KIAA1210: variants seen among roughly 807,000 people sequenced by gnomAD.
KIAA1210 encodes the protein KIAA1210, also known as acrosomal protein KIAA1210.
Under a neutral mutation model 78.9 loss-of-function variants are expected in KIAA1210, and 48 were observed. That is an observed-to-expected ratio of 0.61 (90% confidence interval 0.48 to 0.77). The LOEUF is 0.77. Ranked by LOEUF, KIAA1210 falls within the 30% of genes least tolerant of loss-of-function variation. KIAA1210 has a pLI of 0.00. For missense variants in KIAA1210, 1,108 were observed against 1,100.0 expected, an observed-to-expected ratio of 1.01 and a Z score of -0.10; for synonymous variants, 406 against 404.5, an observed-to-expected ratio of 1.00 and a Z score of -0.04.
chrX:119,087,495 A>G lies in KIAA1210; in HGVS notation c.3207T>C (p.Ala1069=). 2 of 1,210,843 alleles carry G rather than the reference A, an allele frequency of 1.7e-6. No individual in the cohort carries two copies. Among genetic ancestry groups the G allele is most frequent in the Non-Finnish European group, 2.2e-6 (2 of 895,112 alleles). The change falls in exon 9 of 12, where the codon GCT becomes GCC. Residue 1069 remains alanine (A), a synonymous_variant. Coordinates refer to ENST00000691062, the MANE Select transcript of KIAA1210 (RefSeq NM_001394962.1). The stretch of plus-strand genomic sequence containing the variant: ...TTGAAGAAATGCCTCCCTTAGGATT[A>G]GCACTCCCTGAATCTGAGAAAACTT... ...KHQVFSDSGS[A]NPKGGISSKM... is the part of the protein sequence containing the mutation.
At chrX:119,108,855 A>G (rs931417932) in intron 4 of KIAA1210, among the ~76,000 whole-genome samples, 4 of 110,691 alleles carry the variant, frequency 3.6e-5, no homozygotes, top group African/African-American at 9.9e-5. Flanking sequence ...AAAAAAAAAA[A>G]AAGAAGTGAA....
chrX:119,088,956 A>G lies in KIAA1210; in HGVS notation c.1746T>C (p.Tyr582=), dbSNP rs1486107632. 7.4e-6 allele frequency: 9 copies of G among 1,211,817 alleles called. No individual in the cohort carries two copies. Among genetic ancestry groups the G allele is most frequent in the Non-Finnish European group, 1.0e-5 (9 of 895,341 alleles). The part of the protein sequence containing the change: ...MTSTTAKGDV[Y]AKTLPPRSLF... ...GGCTTCTGGGAGGCAGAGTCTTGGC[A>G]TAAACATCTCCTTTGGCTGTAGTAC... The change falls in exon 9 of 12, where the codon TAT becomes TAC. Residue 582 remains tyrosine (Y), a synonymous_variant. Coordinates refer to ENST00000691062, the MANE Select transcript of KIAA1210 (RefSeq NM_001394962.1).
At chrX:119,138,250 G>A (rs754242057) in intron 2 of KIAA1210, among the ~76,000 whole-genome samples, 5 of 77,613 alleles carry the variant, frequency 6.4e-5, no homozygotes, top group Middle Eastern at 0.012. Flanking sequence ...ATGGTGTCTC[G>A]CTCTGTCACC....
chrX:119,118,435 C>T (rs1043265083), intron 2 of KIAA1210, among the ~76,000 whole-genome samples: 1 of 112,283 alleles, frequency 8.9e-6, no homozygotes, highest in South Asian at 3.7e-4. Flanking sequence ...GTTCAGTAGC[C>T]TGCTTTTCAA....
intron 1 of KIAA1210, among the ~76,000 whole-genome samples, chrX:119,124,371 T>C (rs374726932): frequency 8.9e-6 from 1 of 112,361 alleles, no homozygotes; most frequent in East Asian, 2.8e-4. Flanking sequence ...TTTAAAACCA[T>C]TGAATTGTAT....
chrX:119,116,617 T>C lies in KIAA1210; in HGVS notation c.109A>G (p.Lys37Glu). The C allele has an allele frequency of 8.3e-7, 1 of 1,207,475 alleles. No individual in the cohort carries two copies. The highest frequency in any genetic ancestry group is 1.1e-6 in the Non-Finnish European group (1 of 892,740). The change falls in exon 3 of 12, where the codon AAG (lysine) becomes GAG (glutamate). Residue 37 changes from lysine (K) to glutamate (E), a missense_variant. Around this residue, in one of 5 missense-constraint regions of KIAA1210, gnomAD observed 672 missense variants for 607.1 expected, o/e 1.11. Transcript: ENST00000691062. Reference sequence around the variant, plus strand: ...GTATCTTCGGCTTCTTTTTCCTTCTTCTTAACAAAAAAGCTCTTAAGGGCT... The same window carrying C: ...GTATCTTCGGCTTCTTTTTCCTTCTCCTTAACAAAAAAGCTCTTAAGGGCT... ...FKALKSFFVK[K>E]KEKEAEDTQE... is the part of the protein sequence containing the mutation.
chrX:119,150,779 G>A (rs980728712), upstream of KIAA1210, among the ~76,000 whole-genome samples: 2 of 112,500 alleles, frequency 1.8e-5, no homozygotes, highest in African/African-American at 3.2e-5. Context: ...GAGGTGTCTC[G>A]CTGTCCCCCG....
Position 119,081,127 on chromosome X carries a change from C to T in KIAA1210, c.*202G>A. 3.4e-6 allele frequency: 1 copy of T among 289,987 alleles called. No individual in the cohort carries two copies. Among genetic ancestry groups the T allele is most frequent in the East Asian group, 5.3e-5 (1 of 18,925 alleles). 23.9% of individuals were successfully genotyped at this position (289,987 alleles called of 1,213,427 possible). ...AAATACGAAAACAAAATTAGCCGGG[C>T]GTGATGGCGGGCGCCTGTAGTCCCA... On this transcript the variant is annotated 3_prime_UTR_variant, in exon 12 of 12. Coordinates refer to ENST00000691062, the MANE Select transcript of KIAA1210 (RefSeq NM_001394962.1).
chrX:119,137,822 T>A (rs1023989342), intron 2 of KIAA1210, among the ~76,000 whole-genome samples: 2 of 110,805 alleles, frequency 1.8e-5, no homozygotes, highest in Non-Finnish European at 3.8e-5. Context: ...GTGGAAGGAG[T>A]CTGCAGGCCC....
At chrX:119,095,763 A>G (rs1200613347) in intron 7 of KIAA1210, among the ~76,000 whole-genome samples, 1 of 112,575 alleles carries the variant, frequency 8.9e-6, no homozygotes, top group African/African-American at 3.2e-5. Flanking sequence ...ATCACGGAAA[A>G]TAATCTACTT....
chrX:119,113,309 A>G lies in KIAA1210; in HGVS notation c.230+3187T>C, dbSNP rs941925146. 4.3e-4 allele frequency among the ~76,000 whole-genome samples: 48 copies of G among 112,102 alleles called. 1 individual carries two copies. The highest frequency in any genetic ancestry group is 5.6e-5 in the Non-Finnish European group (3 of 53,279). On this transcript the variant is annotated intron_variant, in intron 3 of 11. Coordinates refer to ENST00000691062, the MANE Select transcript of KIAA1210 (RefSeq NM_001394962.1). ...GGATTTACAAAAAACGTTGAATTTT[A>G]CCGTTTAAGTGGTTTAATTGTATAA...
At position 119,089,729 on chromosome X, in the gene KIAA1210, G is replaced by C; in HGVS notation, c.973C>G (p.Gln325Glu). 1.7e-6 allele frequency: 2 copies of C among 1,201,870 alleles called. No homozygotes were observed. Among genetic ancestry groups the C allele is most frequent in the African/African-American group, 3.5e-5 (2 of 57,243 alleles). Residue 325 changes from glutamine (Q) to glutamate (E), a missense_variant, in exon 9 of 12, where the codon CAG (glutamine) becomes GAG (glutamate). Gln to Glu is a conservative substitution (Grantham distance 29). Around this residue, in one of 5 missense-constraint regions of KIAA1210, gnomAD observed 672 missense variants for 607.1 expected, o/e 1.11. Coordinates refer to ENST00000691062, the MANE Select transcript of KIAA1210 (RefSeq NM_001394962.1). ...TCATACATCTCAGTTTTGTTGTTCT[G>C]TTTCTGGCTTGAGGAATCTGCACCA... ...MDSADSSSQK[Q>E]NNKTEMYDKK...
intron 5 of KIAA1210, among the ~76,000 whole-genome samples, chrX:119,107,860 C>A (rs1036920198): frequency 8.9e-6 from 1 of 111,961 alleles, no homozygotes; most frequent in Non-Finnish European, 1.9e-5. Flanking sequence ...ATATCTTCAG[C>A]TCCCCCTGAA....
At chrX:119,086,458 G>A in intron 9 of KIAA1210, 88 bp downstream of exon 9, 7 of 899,258 alleles carry the variant, frequency 7.8e-6, no homozygotes, top group Middle Eastern at 4.3e-4. Context: ...TAAAAGACTA[G>A]AATAGACTTT....
Position 119,081,411 on chromosome X carries a change from A to T in KIAA1210, c.4520T>A (p.Val1507Asp). The T allele has an allele frequency of 8.3e-7, 1 of 1,210,885 alleles. No individual in the cohort carries two copies. Among genetic ancestry groups the T allele is most frequent in the Non-Finnish European group, 1.1e-6 (1 of 894,894 alleles). Residue 1507 changes from valine (V) to aspartate (D), a missense_variant, in exon 12 of 12, where the codon GTT becomes GAT. Physicochemically the swap from Val to Asp is radical, Grantham distance 152. Transcript: ENST00000691062. ...GAACCAGACAGGCTCAATTGGCTCA[A>T]CTGGGTTCTGGAACTTGGCTGGGAG... is the stretch of plus-strand genomic sequence containing the variant. ...STLPAKFQNP[V>D]EPIEPVWFSL... is the part of the protein sequence containing the mutation.
At chrX:119,149,711 A>G (rs1929248066) in intron 1 of KIAA1210, among the ~76,000 whole-genome samples, 1 of 112,455 alleles carries the variant, frequency 8.9e-6, no homozygotes, top group Admixed American at 9.4e-5. Flanking sequence ...CTGTGGACAC[A>G]TAATAAGAAT....
chrX:119,146,359 C>A (rs1929167289), intron 2 of KIAA1210, among the ~76,000 whole-genome samples: 1 of 111,181 alleles, frequency 9.0e-6, no homozygotes, highest in Non-Finnish European at 1.9e-5. Context: ...TTAAGCATTC[C>A]CATATAATAT....
At chrX:119,125,360 A>G (rs1462260887) in intron 1 of KIAA1210, among the ~76,000 whole-genome samples, 3 of 110,240 alleles carry the variant, frequency 2.7e-5, no homozygotes, top group Non-Finnish European at 5.7e-5. Context: ...ACATTACCTT[A>G]TAGATAAATA....
In KIAA1210 at chrX:119,089,416, G is replaced by C. The variant is rs770434078; in HGVS notation, c.1286C>G (p.Thr429Ser). The C allele has an allele frequency of 8.3e-7, 1 of 1,211,863 alleles. No individual in the cohort carries two copies. Among genetic ancestry groups the C allele is most frequent in the Non-Finnish European group, 1.1e-6 (1 of 895,416 alleles). Residue 429 changes from threonine (T) to serine (S), a missense_variant, in exon 9 of 12, where the codon ACT becomes AGT. By Grantham distance (58) the Thr-to-Ser change is moderately conservative. Coordinates refer to ENST00000691062, the MANE Select transcript of KIAA1210 (RefSeq NM_001394962.1). ...EQPTTSQPET[T>S]TPQGLLSDKD... ...ATCTGAAAGCAACCCCTGAGGGGTAGTGGTTTCTGGTTGTGAAGTTGTAGG... is the reference window on the plus strand; with the variant it reads ...ATCTGAAAGCAACCCCTGAGGGGTACTGGTTTCTGGTTGTGAAGTTGTAGG...
Sources: gnomAD v4.1 joint callset for allele counts (sites outside exome capture counted in the v4.1 genomes callset) on GRCh38, gnomAD v4.1.1 for gene constraint, gnomAD v4.1.1 regional missense constraint, MANE v1.5 for transcripts, NCBI Gene and HGNC (gene_info 2026-07-23, HGNC 2026-07-21) for gene names.